PDK2: variants seen among roughly 807,000 people sequenced by gnomAD.
PDK2 encodes pyruvate dehydrogenase kinase 2, also known as pyruvate dehydrogenase kinase, isozyme 2.
PDK2 carries 34 observed loss-of-function variants against 50.4 expected under a neutral mutation model. That is an observed-to-expected ratio of 0.68 (90% CI 0.51 to 0.90). The LOEUF (loss-of-function observed/expected upper bound fraction) is 0.90, where lower values mean the gene tolerates loss of function less well. Ranked by LOEUF, PDK2 falls within the 40% of genes least tolerant of loss-of-function variation. The probability of loss-of-function intolerance (pLI) is 0.00; values close to 1 mark genes in which losing one functional copy is unlikely to be tolerated. For synonymous variants in PDK2, 232 were observed against 216.0 expected (o/e 1.07, Z -0.65); for missense variants, 377 against 544.5 (o/e 0.69, Z 3.06).
At position 50,104,676 on chromosome 17, in the gene PDK2, C is replaced by T. The variant is rs374078029; in HGVS notation, c.261-695C>T. Among the ~76,000 whole-genome samples, 8 of 152,320 alleles carry T rather than the reference C, an allele frequency of 5.3e-5. No homozygotes were observed. In the South Asian group the frequency reaches 1.2e-3, roughly 24 times the overall value. The stretch of plus-strand genomic sequence containing the variant: ...CAGGGCATCACCCACTGCTACCTGG[C>T]CTTTTGCAGTAGAGTGAGCTTCTCT... On this transcript the variant is annotated intron_variant, in intron 2 of 10. Coordinates refer to ENST00000503176, the MANE Select transcript of PDK2 (RefSeq NM_002611.5).
intron 2 of PDK2, chr17:50,104,187 C>A (rs931337325): frequency 6.6e-6 from 1 of 152,242 alleles, no homozygotes; most frequent in Admixed American, 6.5e-5. Flanking sequence ...CAGCTTGGTA[C>A]CATCTGCCAC....
chr17:50,111,357 T>A lies in PDK2; in HGVS notation c.*1260T>A, dbSNP rs1013444854. On this transcript the variant is annotated 3_prime_UTR_variant, in exon 11 of 11. Coordinates refer to ENST00000503176, the MANE Select transcript of PDK2 (RefSeq NM_002611.5). ...GGATTTATTGAAATAAATTGAGAAC[T>A]GCCTCCCCTTCACATGCAGGTGGGC... The A allele has an allele frequency of 6.6e-6, 1 of 152,268 alleles. No individual in the cohort carries two copies. The highest frequency in any genetic ancestry group is 2.4e-5 in the African/African-American group (1 of 41,462). The allele number at this position is 152,268 out of a possible 1,614,324, so 9.4% of individuals were successfully genotyped here.
At chr17:50,096,209 C>T (rs187051525) in intron 1 of PDK2, 2 of 985,412 alleles carry the variant, frequency 2.0e-6, no homozygotes, top group Non-Finnish European at 1.2e-6. Flanking sequence ...AGCCTCTCCC[C>T]AGCTGGGCAG....
In PDK2 at chr17:50,109,415, C is replaced by T. The variant is rs778836508; in HGVS notation, c.1083+15C>T. On this transcript the variant is annotated intron_variant, in intron 10 of 10. Coordinates refer to ENST00000503176, the MANE Select transcript of PDK2 (RefSeq NM_002611.5). The surrounding 1 kb of genome is among the most constrained non-coding windows in gnomAD (Gnocchi z 5.0). ...TCTATCTCAAGGTGAGGGCCCTTCC[C>T]GCAGAGCCCAGCTGGAGAAGAGCTT... 7.8e-6 allele frequency: 12 copies of T among 1,546,886 alleles called. No individual in the cohort carries two copies. The East Asian group carries it at 1.8e-4, about 23-fold the overall frequency.
rs757050664 is a variant in PDK2 at position 50,109,982 on chromosome 17, G to A, written c.1109G>A (p.Arg370His). 1.0e-5 allele frequency: 16 copies of A among 1,581,686 alleles called. No individual in the cohort carries two copies. The highest frequency in any genetic ancestry group is 1.7e-4 in the Middle Eastern group (1 of 5,846). ...LKALSTDSVE[R>H]LPVYNKSAWR... ...GCCCTGTCCACGGACTCGGTGGAGC[G>A]CCTGCCTGTCTACAACAAGTCAGCC... Residue 370 changes from arginine to histidine, a missense_variant, in exon 11 of 11, where the codon CGC (arginine) becomes CAC (histidine). Transcript: ENST00000503176. The surrounding 1 kb of genome is among the most constrained non-coding windows in gnomAD (Gnocchi z 5.0).
At chr17:50,103,906 C>T (rs1333080607) in intron 2 of PDK2, among the ~76,000 whole-genome samples, 1 of 152,138 alleles carries the variant, frequency 6.6e-6, no homozygotes, top group Non-Finnish European at 1.5e-5. Context: ...TGATTCCTGC[C>T]TGTCTGCCTG....
chr17:50,107,037 T>A lies in PDK2; in HGVS notation c.608-39T>A, dbSNP rs766250882. The A allele has an allele frequency of 1.1e-5, 17 of 1,580,294 alleles. No individual in the cohort carries two copies. The Admixed American group carries it at 2.8e-4, about 26-fold the overall frequency. On this transcript the variant is annotated intron_variant, in intron 5 of 10. Coordinates refer to ENST00000503176, the MANE Select transcript of PDK2 (RefSeq NM_002611.5). ...AATGTCAGGAGGACTGCCTGCTGGG[T>A]GGGCCACCCATGCCCTGAATGACCC...
At chr17:50,095,686 G>T (rs1396675045) in intron 1 of PDK2, 133 bp downstream of exon 1, 1 of 1,456,744 alleles carries the variant, frequency 6.9e-7, no homozygotes, top group Admixed American at 2.7e-5. Flanking sequence ...GGTACAGGCA[G>T]GAAAGAGTTA....
Position 50,095,531 on chromosome 17 carries a change from C to T in PDK2, c.96C>T (p.Ser32=), listed in dbSNP as rs1202108729. 1 of 1,606,768 alleles carries T rather than the reference C, an allele frequency of 6.2e-7. No homozygotes were observed. Among genetic ancestry groups the T allele is most frequent in the East Asian group, 2.2e-5 (1 of 44,612 alleles). Residue 32 remains serine (S), a synonymous_variant, in exon 1 of 11, where the codon TCC becomes TCT. Transcript: ENST00000503176. ...HFSKFSPSPL[S]MKQFLDFGSS... is the part of the protein sequence containing the mutation. ...GCAAGTTCTCCCCGTCCCCGCTGTCCATGAAGCAGTTTCTGGACTTCGGTA... is the reference window on the plus strand; with the variant it reads ...GCAAGTTCTCCCCGTCCCCGCTGTCTATGAAGCAGTTTCTGGACTTCGGTA...
intron 1 of PDK2, chr17:50,096,015 A>T: frequency 1.5e-6 from 1 of 663,750 alleles, no homozygotes; most frequent in Non-Finnish European, 1.9e-6. Flanking sequence ...CTGGGCATGA[A>T]GGGTCAGACA....
rs751451177 is a variant in PDK2, at chr17:50,095,397, C to G, written c.-39C>G. 1.1e-5 allele frequency: 16 copies of G among 1,469,382 alleles called. No homozygotes were observed. The African/African-American group carries it at 1.4e-4, about 13-fold the overall frequency. The allele number at this position is 1,469,382 out of a possible 1,614,324, so 91.0% of individuals were successfully genotyped here. ...GGCCGAAAGGTGCGCGAGCGCTGCC[C>G]GCGCGGGGACCACAACCAAAGTCGC... On this transcript the variant is annotated 5_prime_UTR_variant, in exon 1 of 11. Transcript: ENST00000503176.
upstream of PDK2, chr17:50,094,964 C>T (rs1200196151): frequency 6.3e-6 from 1 of 157,756 alleles, no homozygotes; most frequent in Admixed American, 6.4e-5. Context: ...TGAAAGCTAC[C>T]TAGACAACTC....
At chr17:50,097,012 C>T (rs1909984891) in intron 1 of PDK2, among the ~76,000 whole-genome samples, 2 of 152,212 alleles carry the variant, frequency 1.3e-5, no homozygotes, top group South Asian at 4.1e-4. Context: ...GGTGGTCTAG[C>T]CATAGCCCCC....
chr17:50,107,952 G>T (rs1168864557), intron 6 of PDK2: 4 of 605,782 alleles, frequency 6.6e-6, no homozygotes, highest in African/African-American at 1.8e-5. Flanking sequence ...GGGAACAAGG[G>T]TGTGGAAAGC....
In PDK2 at chr17:50,095,428, C is replaced by A; in HGVS notation, c.-8C>A. The A allele has an allele frequency of 6.3e-7, 1 of 1,592,706 alleles. No individual in the cohort carries two copies. The highest frequency in any genetic ancestry group is 8.6e-7 in the Non-Finnish European group (1 of 1,168,580). On this transcript the variant is annotated 5_prime_UTR_variant, in exon 1 of 11. Transcript: ENST00000503176. ...GGGACCACAACCAAAGTCGCGGCCG[C>A]CGCAGCCATGCGCTGGGTGTGGGCG...
rs1459163615 is a variant in PDK2 at position 50,107,067 on chromosome 17, T to C, written c.608-9T>C. 3.1e-6 allele frequency: 5 copies of C among 1,613,664 alleles called. No homozygotes were observed. In the South Asian group the frequency reaches 5.5e-5, roughly 18 times the overall value. On this transcript the variant is annotated splice_polypyrimidine_tract_variant and intron_variant, in intron 5 of 10. Transcript: ENST00000503176. ...CACCCATGCCCTGAATGACCCCATC[T>C]TCTCTCAGATGCCTACGACATGGCT... is the stretch of plus-strand genomic sequence containing the variant.
chr17:50,106,408 C>G, intron 4 of PDK2: 1 of 417,554 alleles, frequency 2.4e-6, no homozygotes, highest in Non-Finnish European at 3.9e-6. Flanking sequence ...GGAGGATTCA[C>G]TATGATTTTT....
intron 1 of PDK2, 104 bp downstream of exon 1, chr17:50,095,657 G>A: frequency 6.7e-7 from 1 of 1,485,928 alleles, no homozygotes; most frequent in South Asian, 1.3e-5. Context: ...CCGAGTGACA[G>A]AGAAGGGTTG....
At position 50,105,994 on chromosome 17, in the gene PDK2, AAC is replaced by A; in HGVS notation, c.443_444del (p.Asn148ThrfsTer29). On this transcript the variant is annotated frameshift_variant, in exon 4 of 11. Coordinates refer to ENST00000503176, the MANE Select transcript of PDK2 (RefSeq NM_002611.5). LOFTEE classifies it high-confidence loss of function. ...KDTYGDDPVS[N>X]QNIQYFLDRF... ...CACCTACGGCGATGACCCCGTCTCCAACCAGAACATCCAGTACTTCCTGGACC... is the reference window on the plus strand; with the variant it reads ...CACCTACGGCGATGACCCCGTCTCCACAGAACATCCAGTACTTCCTGGACC... The A allele has an allele frequency of 6.2e-7, 1 of 1,611,432 alleles. No individual in the cohort carries two copies. Among genetic ancestry groups the A allele is most frequent in the Non-Finnish European group, 8.5e-7 (1 of 1,178,884 alleles).
Sources: gnomAD v4.1 joint callset for allele counts (sites outside exome capture counted in the v4.1 genomes callset) on GRCh38, gnomAD v4.1.1 for gene constraint, Gnocchi (gnomAD v3.1) non-coding constraint, MANE v1.5 for transcripts, NCBI Gene and HGNC (gene_info 2026-07-23, HGNC 2026-07-21) for gene names.